KCNC4: variants seen among roughly 807,000 people sequenced by gnomAD.
The protein encoded by KCNC4 is voltage-gated potassium channel KCNC4.
Under a neutral mutation model 42.8 loss-of-function variants are expected in KCNC4, and 23 were observed. That is an observed-to-expected ratio of 0.54 (90% CI 0.39 to 0.76). The LOEUF (loss-of-function observed/expected upper bound fraction) is 0.76. Among genes scored for constraint, KCNC4 ranks in the 30% least tolerant of loss-of-function variants. The pLI is 0.00. For synonymous variants in KCNC4, 422 were observed against 393.5 expected (o/e 1.07, Z -0.86); for missense variants, 751 against 898.2 (o/e 0.84, Z 2.10).
intron 1 of KCNC4, among the ~76,000 whole-genome samples, chr1:110,259,425 C>A (rs558336605): frequency 1.3e-5 from 2 of 152,292 alleles, no homozygotes; most frequent in Admixed American, 6.5e-5. Context: ...TCTTTCCTCC[C>A]CTTCATCTTA....
intron 1 of KCNC4, among the ~76,000 whole-genome samples, chr1:110,263,186 C>T (rs139159305): frequency 5.3e-5 from 8 of 152,334 alleles, no homozygotes; most frequent in Admixed American, 2.6e-4. Context: ...TTGGGGACAG[C>T]CAGCTATCCT....
intron 2 of KCNC4, chr1:110,225,750 A>C: frequency 5.6e-6 from 3 of 540,288 alleles, no homozygotes; most frequent in East Asian, 3.0e-5. Flanking sequence ...CCCTGAGGAG[A>C]GACCCTAAGC....
At chr1:110,268,767 A>G (rs1324458969) in intron 1 of KCNC4, among the ~76,000 whole-genome samples, 8 of 136,742 alleles carry the variant, frequency 5.9e-5, no homozygotes, top group African/African-American at 1.9e-4. Flanking sequence ...TCGCTGTGTC[A>G]CCCAGGCTGG....
intron 3 of KCNC4, chr1:110,232,184 A>G (rs1386442633): frequency 9.3e-6 from 15 of 1,606,488 alleles, no homozygotes; most frequent in Admixed American, 6.7e-5. Flanking sequence ...GGGTTTCTCA[A>G]TAAGGTACTA....
chr1:110,216,843 T>C (rs1198074080), intron 1 of KCNC4, among the ~76,000 whole-genome samples: 2 of 152,248 alleles, frequency 1.3e-5, no homozygotes, highest in East Asian at 3.9e-4. Flanking sequence ...GGGGTCCTTA[T>C]CTGGAAGTGG....
At chr1:110,222,515 A>C (rs1305937950) in intron 1 of KCNC4, 1 of 166,100 alleles carries the variant, frequency 6.0e-6, no homozygotes, top group African/African-American at 2.4e-5. Flanking sequence ...CTTAAAGCCC[A>C]GTTACTGCAA....
chr1:110,274,693 A>C (rs1659687703), intron 1 of KCNC4, among the ~76,000 whole-genome samples: 1 of 152,214 alleles, frequency 6.6e-6, no homozygotes, highest in South Asian at 2.1e-4. Flanking sequence ...GAATTTAAAA[A>C]CCCAGAAATA....
rs193148901 is a variant in KCNC4, at chr1:110,230,507, C to T, written c.1820-2404C>T. ...CCTTTCTGGTTCAGGGAACCGAGGCCGCTATTTCTGTGGCAGCCCTCAAGT... is the reference window on the plus strand; with the variant it reads ...CCTTTCTGGTTCAGGGAACCGAGGCTGCTATTTCTGTGGCAGCCCTCAAGT... On this transcript the variant is annotated intron_variant, in intron 3 of 3. Transcript: ENST00000438661. 4.8e-3 allele frequency among the ~76,000 whole-genome samples: 726 copies of T among 152,294 alleles called. 6 individuals are homozygous for T. Among genetic ancestry groups the T allele is most frequent in the Middle Eastern group, 0.031 (9 of 294 alleles).
chr1:110,241,346 A>G (rs953288365), exon 4 of KCNC4: 1 of 152,186 alleles, frequency 6.6e-6, no homozygotes, highest in African/African-American at 2.4e-5. Context: ...TCAGCACTCT[A>G]GTATGAATTT....
At chr1:110,219,356 C>T (rs1657971439) in intron 1 of KCNC4, among the ~76,000 whole-genome samples, 1 of 152,172 alleles carries the variant, frequency 6.6e-6, no homozygotes, top group Non-Finnish European at 1.5e-5. Context: ...CCTACCGTAA[C>T]ACTGTGAAGG....
downstream of KCNC4, among the ~76,000 whole-genome samples, chr1:110,250,133 G>A (rs1659224367): frequency 6.6e-6 from 1 of 152,132 alleles, no homozygotes; most frequent in Non-Finnish European, 1.5e-5. Flanking sequence ...ATGGTTCCCA[G>A]ACACAGCTCC....
At chr1:110,231,495 T>G (rs72990517) in intron 3 of KCNC4, among the ~76,000 whole-genome samples, 1,788 of 152,256 alleles carry the variant, frequency 0.012, 42 homozygotes, top group African/African-American at 0.041. Flanking sequence ...CTGGGACACT[T>G]GACAGCCTTG....
chr1:110,263,035 T>C (rs774628250), intron 1 of KCNC4, among the ~76,000 whole-genome samples: 1 of 152,224 alleles, frequency 6.6e-6, no homozygotes, highest in Non-Finnish European at 1.5e-5. Context: ...CTGGTGTCTG[T>C]TTCATGACCT....
chr1:110,269,228 A>T (rs1437543201), intron 1 of KCNC4, among the ~76,000 whole-genome samples: 1 of 152,140 alleles, frequency 6.6e-6, no homozygotes, highest in Non-Finnish European at 1.5e-5. Flanking sequence ...ACAACTCAAG[A>T]TTTTTGACAG....
At position 110,282,147 on chromosome 1, in the gene KCNC4, C is replaced by T. The variant is rs560075296; in HGVS notation, n.31-387C>T. Among the ~76,000 whole-genome samples, 10 of 152,306 alleles carry T rather than the reference C, an allele frequency of 6.6e-5. No individual in the cohort carries two copies. In the East Asian group the frequency reaches 9.7e-4, roughly 15 times the overall value. Reference sequence around the variant, plus strand: ...ACTCAGTGCCACTGTTAATGCCTTCCGCTTTAGCTTAATTAAGCCATCTGC... The same window carrying T: ...ACTCAGTGCCACTGTTAATGCCTTCTGCTTTAGCTTAATTAAGCCATCTGC... On this transcript the variant is annotated intron_variant and non_coding_transcript_variant, in intron 1 of 2. Coordinates refer to the KCNC4 transcript ENST00000412512.
chr1:110,271,802 G>T (rs919281216), intron 1 of KCNC4, among the ~76,000 whole-genome samples: 24 of 152,118 alleles, frequency 1.6e-4, no homozygotes, highest in Admixed American at 1.3e-3. Context: ...TGTCCCCATC[G>T]CATGCTTTGG....
chr1:110,222,949 C>T lies in KCNC4; in HGVS notation c.679-15C>T, dbSNP rs200238898. On this transcript the variant is annotated splice_polypyrimidine_tract_variant and intron_variant, in intron 1 of 3. Transcript: ENST00000438661. ...TGTCTGACAGCTGCCCCCTGCTCTC[C>T]TCCCCTGCCCATAGGTAGTGGCCTT... The T allele has an allele frequency of 2.5e-6, 4 of 1,600,024 alleles. No homozygotes were observed. The highest frequency in any genetic ancestry group is 4.5e-5 in the East Asian group (2 of 44,602).
chr1:110,226,360 T>C (rs1658396550), intron 3 of KCNC4, 182 bp downstream of exon 3: 1 of 636,584 alleles, frequency 1.6e-6, no homozygotes, highest in Non-Finnish European at 2.8e-6. Context: ...AGAAAGGTCT[T>C]CTCCATCTCA....
At chr1:110,212,352 C>T (rs1034221212) in intron 1 of KCNC4, among the ~76,000 whole-genome samples, 175 bp downstream of exon 1, 1 of 152,194 alleles carries the variant, frequency 6.6e-6, no homozygotes, top group Non-Finnish European at 1.5e-5. Flanking sequence ...CACACTCCCA[C>T]CCTCTCCCCT....
Sources: allele counts gnomAD v4.1 joint callset (sites outside exome capture counted in the v4.1 genomes callset), GRCh38; gene constraint gnomAD v4.1.1; transcripts MANE v1.5; gene names NCBI Gene and HGNC (gene_info 2026-07-23, HGNC 2026-07-21).